Variants in TBC1D31 observed in about 807,000 individuals in gnomAD.
The protein encoded by TBC1D31 is WD repeat domain 67.
In TBC1D31, 99 loss-of-function variants were observed where a neutral mutation model predicts 132.9. The ratio of observed to expected loss-of-function variants is 0.74; its 90% CI spans 0.63 to 0.88. The LOEUF (loss-of-function observed/expected upper bound fraction) is 0.88. Ranked by LOEUF, TBC1D31 falls within the 40% of genes least tolerant of loss-of-function variation. TBC1D31 has a pLI of 0.00. For synonymous variants in TBC1D31, 385 were observed against 419.4 expected, an observed-to-expected ratio of 0.92 and a Z score of 1.00; for missense variants, 1,134 against 1,256.6, an observed-to-expected ratio of 0.90 and a Z score of 1.48.
rs1822034551 is a variant in TBC1D31 at position 123,144,830 on chromosome 8, A to C, written c.2949A>C (p.Glu983Asp). 4.3e-6 allele frequency: 7 copies of C among 1,613,080 alleles called. No individual in the cohort carries two copies. Among genetic ancestry groups the C allele is most frequent in the Non-Finnish European group, 5.9e-6 (7 of 1,179,776 alleles). ...AGCAAGAGATAAATGCGGCTGTAGAACATGCTGAAAATCCATGTCATAAAG... is the reference window on the plus strand; with the variant it reads ...AGCAAGAGATAAATGCGGCTGTAGACCATGCTGAAAATCCATGTCATAAAG... ...FLKQEINAAV[E>D]HAENPCHKEE... is the part of the protein sequence containing the mutation. Residue 983 changes from glutamate to aspartate, a missense_variant, in exon 20 of 22, where the codon GAA becomes GAC. Physicochemically the swap from Glu to Asp is conservative, Grantham distance 45. Coordinates refer to ENST00000287380, the MANE Select transcript of TBC1D31 (RefSeq NM_145647.4).
At chr8:123,080,800 G>C (rs545401909) in intron 2 of TBC1D31, among the ~76,000 whole-genome samples, 146 of 152,228 alleles carry the variant, frequency 9.6e-4, no homozygotes, top group African/African-American at 3.3e-3. Flanking sequence ...CTCCCAAAGT[G>C]TTGGGATTAG....
At chr8:123,094,544 T>C (rs903408164) in intron 5 of TBC1D31, among the ~76,000 whole-genome samples, 14 of 151,550 alleles carry the variant, frequency 9.2e-5, no homozygotes, top group Admixed American at 3.3e-4. Flanking sequence ...TATTTATTTA[T>C]TTATTTATTT....
chr8:123,162,003 G>A, the TBC1D31 span, among the ~76,000 whole-genome samples: 1 of 130,818 alleles, frequency 7.6e-6, no homozygotes, highest in Non-Finnish European at 1.6e-5. Context: ...GGATAACAGC[G>A]TGAGAGTCCG....
chr8:123,130,415 A>G (rs1215057699), intron 16 of TBC1D31, 82 bp downstream of exon 16: 11 of 1,320,476 alleles, frequency 8.3e-6, no homozygotes, highest in Non-Finnish European at 1.1e-5. Flanking sequence ...AAATTAAATA[A>G]TATTCTTAGA....
At chr8:123,077,020 T>C (rs1814597319) in intron 1 of TBC1D31, 91 bp from the exon 2 acceptor site, 1 of 1,254,292 alleles carries the variant, frequency 8.0e-7, no homozygotes, top group Non-Finnish European at 1.1e-6. Flanking sequence ...GAGGGAAGAA[T>C]GAACAGACGA....
chr8:123,143,197 C>T (rs941900885), intron 19 of TBC1D31, among the ~76,000 whole-genome samples: 1 of 152,218 alleles, frequency 6.6e-6, no homozygotes, highest in Non-Finnish European at 1.5e-5. Flanking sequence ...CCATCTGAGT[C>T]ACACTCCCTT....
At position 123,128,299 on chromosome 8, in the gene TBC1D31, A is replaced by T. The variant is rs1428504060; in HGVS notation, c.1903A>T (p.Asn635Tyr). ...DDFEFFFHHRNNLDINVVIRQ... is the reference protein window; with the variant it reads ...DDFEFFFHHRYNLDINVVIRQ... ...CTTACAGTTTTTTTTTCACCATCGG[A>T]ATAACCTGGATATAAATGTTGTGAT... Residue 635 changes from asparagine to tyrosine, a missense_variant, in exon 14 of 22, where the codon AAT becomes TAT. Transcript: ENST00000287380. 6.2e-7 allele frequency: 1 copy of T among 1,604,746 alleles called. No homozygotes were observed. Among genetic ancestry groups the T allele is most frequent in the Non-Finnish European group, 8.5e-7 (1 of 1,173,242 alleles).
In TBC1D31 at chr8:123,112,774, C is replaced by G. The variant is rs539991241; in HGVS notation, c.1436+3154C>G. Among the ~76,000 whole-genome samples the G allele has an allele frequency of 3.3e-5, 5 of 152,184 alleles. No individual in the cohort carries two copies. In the East Asian group the frequency reaches 9.6e-4, roughly 29 times the overall value. Reference sequence around the variant, plus strand: ...AAAGGGTAAATACATAATATACTGCCCTTTTCAATTAGAGAAAACATCAGA... The same window carrying G: ...AAAGGGTAAATACATAATATACTGCGCTTTTCAATTAGAGAAAACATCAGA... On this transcript the variant is annotated intron_variant, in intron 10 of 21. Transcript: ENST00000287380.
At chr8:123,130,091 G>C (rs761001145) in intron 15 of TBC1D31, 107 bp from the exon 16 acceptor site, 7 of 1,107,218 alleles carry the variant, frequency 6.3e-6, no homozygotes, top group Non-Finnish European at 8.9e-6. Flanking sequence ...TTCAAATAAA[G>C]GATATCAATT....
At chr8:123,154,847 A>AAGCAAG (rs999754701), downstream of TBC1D31, among the ~76,000 whole-genome samples, 8 of 152,212 alleles carry the variant, frequency 5.3e-5, no homozygotes, top group African/African-American at 1.9e-4. Context: ...GTGGGCCGTG[A>AAGCAAG]AGCAAGAGCA....
intron 7 of TBC1D31, chr8:123,103,908 G>A (rs1178319345): frequency 2.6e-5 from 4 of 152,062 alleles, no homozygotes; most frequent in Non-Finnish European, 5.9e-5. Flanking sequence ...GTGTCTTTAT[G>A]GCTGTTCCAG....
At chr8:123,126,885 G>A (rs994478817) in intron 13 of TBC1D31, among the ~76,000 whole-genome samples, 198 bp downstream of exon 13, 1 of 151,980 alleles carries the variant, frequency 6.6e-6, no homozygotes, top group Non-Finnish European at 1.5e-5. Flanking sequence ...GGGATTACAG[G>A]TGCGCACCAT....
rs527623865 is a variant in TBC1D31, at chr8:123,131,022, G to A, written c.2406+689G>A. 2.8e-4 allele frequency among the ~76,000 whole-genome samples: 43 copies of A among 152,042 alleles called. 1 individual carries two copies. Among genetic ancestry groups the A allele is most frequent in the Middle Eastern group, 3.4e-3 (1 of 294 alleles). On this transcript the variant is annotated intron_variant, in intron 16 of 21. Coordinates refer to ENST00000287380, the MANE Select transcript of TBC1D31 (RefSeq NM_145647.4). ...TACAAAACATACAGAATTAAAAATT[G>A]ACCTTCTCCATTAGTTCTCATGTCA...
chr8:123,163,688 T>G, the TBC1D31 span, among the ~76,000 whole-genome samples: 1 of 152,028 alleles, frequency 6.6e-6, no homozygotes. Flanking sequence ...TTTTAAAAAT[T>G]TTTTATTTCA....
chr8:123,085,252 C>T (rs1357950774), intron 4 of TBC1D31, among the ~76,000 whole-genome samples: 1 of 152,178 alleles, frequency 6.6e-6, no homozygotes, highest in African/African-American at 2.4e-5. Context: ...CAAATACACA[C>T]ACCTGTGTAA....
intron 10 of TBC1D31, among the ~76,000 whole-genome samples, chr8:123,117,961 A>G (rs1418443096): frequency 6.6e-6 from 1 of 152,156 alleles, no homozygotes; most frequent in African/African-American, 2.4e-5. Flanking sequence ...TGGTAATAAG[A>G]TGTCAATATG....
downstream of TBC1D31, among the ~76,000 whole-genome samples, chr8:123,153,335 G>A (rs138432019): frequency 5.9e-5 from 9 of 152,216 alleles, no homozygotes; most frequent in African/African-American, 2.2e-4. Context: ...TCTTTGACTA[G>A]GATTTATACC....
rs986373311 is a variant in TBC1D31, at chr8:123,127,659, C to T, written c.1885-622C>T. Among the ~76,000 whole-genome samples the T allele has an allele frequency of 8.5e-5, 13 of 152,226 alleles. No homozygotes were observed. In the South Asian group the frequency reaches 2.5e-3, roughly 29 times the overall value. On this transcript the variant is annotated intron_variant, in intron 13 of 21. Coordinates refer to ENST00000287380, the MANE Select transcript of TBC1D31 (RefSeq NM_145647.4). ...CATGACCCATCTGGTCTTAGAGGGT[C>T]TGAATGCTTATTACACATGCAAAAG...
chr8:123,078,191 C>G (rs1227430941), intron 2 of TBC1D31, among the ~76,000 whole-genome samples: 1 of 152,132 alleles, frequency 6.6e-6, no homozygotes, highest in Admixed American at 6.5e-5. Context: ...GCTGCAGCAG[C>G]CTAGCAGAGA....
Sources: gnomAD v4.1 joint callset for allele counts (sites outside exome capture counted in the v4.1 genomes callset) on GRCh38, gnomAD v4.1.1 for gene constraint, MANE v1.5 for transcripts, NCBI Gene and HGNC (gene_info 2026-07-23, HGNC 2026-07-21) for gene names.